The following MED23 variants were observed in gnomAD, a reference collection of about 807,000 sequenced individuals.
MED23 encodes the protein mediator of RNA polymerase II transcription subunit 23.
In MED23, 105 loss-of-function variants were observed where a neutral mutation model predicts 163.9. That is an observed-to-expected ratio of 0.64 (90% CI 0.55 to 0.75). The LOEUF (loss-of-function observed/expected upper bound fraction) is 0.75. Among genes scored for constraint, MED23 ranks in the 30% least tolerant of loss-of-function variants. The pLI is 0.00. For synonymous variants in MED23, 561 were observed against 565.6 expected (o/e 0.99, Z 0.12); for missense variants, 1,054 against 1,649.0 (o/e 0.64, Z 6.25).
At chr6:131,577,668 A>C (rs1391731795) in intron 30 of MED23, among the ~76,000 whole-genome samples, 1 of 151,972 alleles carries the variant, frequency 6.6e-6, no homozygotes, top group African/African-American at 2.4e-5. Flanking sequence ...TTGGGAAGCC[A>C]AGGTGGGTGG....
At chr6:131,602,940 A>C (rs1775595314) in intron 16 of MED23, 90 bp downstream of exon 16, 1 of 1,341,010 alleles carries the variant, frequency 7.5e-7, no homozygotes, top group Admixed American at 2.2e-5. Context: ...TAAAAAAAAA[A>C]ACTATAAGGT....
At chr6:131,586,639 C>T (rs1774197040), downstream of MED23, 1 of 734,284 alleles carries the variant, frequency 1.4e-6, no homozygotes. Flanking sequence ...TGTCAGTCAC[C>T]AACTGTAGTG....
chr6:131,583,670 T>C, downstream of MED23: 3 of 1,560,382 alleles, frequency 1.9e-6, no homozygotes, highest in Non-Finnish European at 2.6e-6. Flanking sequence ...GGATAATCTT[T>C]CAAGTCTGTC....
intron 10 of MED23, chr6:131,615,325 T>C (rs1776595775): frequency 6.2e-7 from 1 of 1,610,844 alleles, no homozygotes; most frequent in Admixed American, 1.7e-5. Flanking sequence ...TGAACATACC[T>C]GAGCAATGTT....
At chr6:131,620,780 C>T in intron 6 of MED23, 51 bp from the exon 7 acceptor site, 1 of 1,049,430 alleles carries the variant, frequency 9.5e-7, no homozygotes, top group South Asian at 1.5e-5. Flanking sequence ...CACATATAAG[C>T]CCTTTATTTT....
At chr6:131,591,682 T>A (rs1774648427) in intron 25 of MED23, 155 bp from the exon 26 acceptor site, 2 of 661,808 alleles carry the variant, frequency 3.0e-6, no homozygotes, top group South Asian at 1.8e-5. Flanking sequence ...TCAAATTAAG[T>A]CAGTAACAAC....
intron 30 of MED23, among the ~76,000 whole-genome samples, chr6:131,576,141 C>A (rs1474230980): frequency 6.6e-6 from 1 of 152,180 alleles, no homozygotes; most frequent in South Asian, 2.1e-4. Flanking sequence ...ACTGACACAC[C>A]CTGTCCCCAA....
intron 28 of MED23, among the ~76,000 whole-genome samples, chr6:131,588,074 T>G (rs1434978564): frequency 6.6e-6 from 1 of 152,202 alleles, no homozygotes; most frequent in Non-Finnish European, 1.5e-5. Flanking sequence ...ATATTATATG[T>G]GCATGTCTGT....
At chr6:131,589,659 C>T in intron 27 of MED23, 63 bp from the exon 28 acceptor site, 1 of 1,521,178 alleles carries the variant, frequency 6.6e-7, no homozygotes, top group East Asian at 2.3e-5. Context: ...CAGCATGATG[C>T]AGCTGGGCTC....
At chr6:131,596,404 T>C (rs767874621) in intron 21 of MED23, 114 bp downstream of exon 21, 8 of 1,232,408 alleles carry the variant, frequency 6.5e-6, no homozygotes, top group Non-Finnish European at 9.5e-6. Context: ...AACTTACTTC[T>C]ATATAGACAA....
intron 9 of MED23, among the ~76,000 whole-genome samples, chr6:131,616,288 G>A (rs1230488408): frequency 4.6e-5 from 7 of 152,002 alleles, no homozygotes; most frequent in African/African-American, 1.4e-4. Context: ...CTTCCCCAGT[G>A]CACTTTCTAC....
intron 27 of MED23, 148 bp from the exon 28 acceptor site, chr6:131,589,744 T>A (rs2114579066): frequency 2.7e-6 from 2 of 742,396 alleles, no homozygotes; most frequent in East Asian, 5.4e-5. Context: ...TCTATGCACA[T>A]GAGATATGAT....
At position 131,599,743 on chromosome 6, in the gene MED23, CT is replaced by C. The variant is rs764052228; in HGVS notation, c.2220+294del. Among the ~76,000 whole-genome samples the C allele has an allele frequency of 1.0e-3, 147 of 144,146 alleles. 1 individual carries two copies. Among genetic ancestry groups the C allele is most frequent in the Middle Eastern group, 3.6e-3 (1 of 274 alleles). The allele number at this position is 144,146 out of a possible 152,430, so 94.6% of individuals were successfully genotyped here. On this transcript the variant is annotated intron_variant, in intron 18 of 28. Transcript: ENST00000368068. ...ACTTGAGAGATTTTGTAAGTAATGA[CT>C]TTTTTTTTTTTTTCTACAGACAGGG...
chr6:131,606,281 A>T (rs977889500), intron 13 of MED23, among the ~76,000 whole-genome samples, 198 bp downstream of exon 13: 2 of 152,146 alleles, frequency 1.3e-5, no homozygotes, highest in Non-Finnish European at 2.9e-5. Flanking sequence ...CATATAAGCA[A>T]GACTAACCTT....
chr6:131,608,985 G>T (rs908242857), intron 11 of MED23, among the ~76,000 whole-genome samples: 1 of 151,958 alleles, frequency 6.6e-6, no homozygotes, highest in Non-Finnish European at 1.5e-5. Flanking sequence ...CTAGACTCCC[G>T]CTACTCTCTG....
At chr6:131,606,748 C>A in intron 12 of MED23, 124 bp from the exon 13 acceptor site, 1 of 857,960 alleles carries the variant, frequency 1.2e-6, no homozygotes, top group South Asian at 1.6e-5. Flanking sequence ...ACTTTAGCCC[C>A]GATAATTCAA....
intron 11 of MED23, 35 bp downstream of exon 11, chr6:131,610,011 G>T: frequency 6.3e-7 from 1 of 1,584,494 alleles, no homozygotes; most frequent in Non-Finnish European, 8.7e-7. Context: ...TAATCAACAG[G>T]TGAAGTCACT....
intron 11 of MED23, among the ~76,000 whole-genome samples, chr6:131,609,730 A>G (rs1776135711): frequency 6.8e-6 from 1 of 146,250 alleles, no homozygotes; most frequent in Non-Finnish European, 1.5e-5. Flanking sequence ...ATATATACAC[A>G]TACATATATA....
rs764325449 is a variant in MED23 at position 131,586,868 on chromosome 6, T to C, written c.*811A>G. The C allele has an allele frequency of 5.5e-6, 8 of 1,462,546 alleles. No individual in the cohort carries two copies. Among genetic ancestry groups the C allele is most frequent in the East Asian group, 2.5e-5 (1 of 39,816 alleles). 90.6% of individuals were successfully genotyped at this position (1,462,546 alleles called of 1,614,324 possible). ...ATAAAATGTGTACTGTATTTACAAA[T>C]ATAAAATTTAAAAATTTTAAGATTA... On this transcript the variant is annotated 3_prime_UTR_variant, in exon 29 of 29. Transcript: ENST00000368068.
Sources: allele counts gnomAD v4.1 joint callset (sites outside exome capture counted in the v4.1 genomes callset), GRCh38; gene constraint gnomAD v4.1.1; transcripts MANE v1.5; gene names NCBI Gene and HGNC (gene_info 2026-07-23, HGNC 2026-07-21).